DUSP22: variants seen among roughly 807,000 people sequenced by gnomAD.
DUSP22 encodes the protein dual specificity protein phosphatase 22.
DUSP22 carries 24 observed loss-of-function variants against 24.5 expected under a neutral mutation model. The ratio of observed to expected loss-of-function variants is 0.98; its 90% CI spans 0.71 to 1.38. The LOEUF is 1.38. DUSP22 is among the 40% of genes most tolerant of loss of function. The pLI, the probability that DUSP22 is intolerant of heterozygous loss-of-function variation, is 0.00. For synonymous variants in DUSP22, 160 were observed against 106.4 expected, an observed-to-expected ratio of 1.50 and a Z score of -3.10; for missense variants, 330 against 269.2, an observed-to-expected ratio of 1.23 and a Z score of -1.58.
At chr6:325,798 T>C in intron 3 of DUSP22, 1 of 225,048 alleles carries the variant, frequency 4.4e-6, no homozygotes. Flanking sequence ...TGCAGTGCTG[T>C]ATCTGCTGGT....
At chr6:306,785 C>T (rs1757830350) in intron 2 of DUSP22, among the ~76,000 whole-genome samples, 1 of 152,312 alleles carries the variant, frequency 6.6e-6, no homozygotes, top group Admixed American at 6.5e-5. Context: ...ACCAGTGTCC[C>T]TGCCCTCAGG....
chr6:321,365 C>G (rs909765934), intron 3 of DUSP22, among the ~76,000 whole-genome samples: 3 of 152,300 alleles, frequency 2.0e-5, no homozygotes, highest in African/African-American at 7.2e-5. Flanking sequence ...AGCAAAGATT[C>G]ATGAACAAAG....
intron 3 of DUSP22, among the ~76,000 whole-genome samples, chr6:313,030 C>G (rs995454980): frequency 1.6e-5 from 2 of 127,916 alleles, no homozygotes; most frequent in Non-Finnish European, 3.2e-5. Context: ...TTGGAAATAA[C>G]AACAACAACA....
At chr6:315,093 T>C (rs1313769603) in intron 3 of DUSP22, among the ~76,000 whole-genome samples, 2 of 152,300 alleles carry the variant, frequency 1.3e-5, no homozygotes, top group Non-Finnish European at 2.9e-5. Flanking sequence ...CACTGGACCA[T>C]GATGGGTGAG....
intron 3 of DUSP22, among the ~76,000 whole-genome samples, chr6:322,334 G>C (rs1455936550): frequency 6.6e-6 from 1 of 152,302 alleles, no homozygotes; most frequent in Admixed American, 6.5e-5. Flanking sequence ...ACACATCTTT[G>C]TTACTCCTGT....
At chr6:348,075 C>T (rs980900552) in intron 5 of DUSP22, 28 bp from the exon 6 acceptor site, 2 of 1,612,844 alleles carry the variant, frequency 1.2e-6, no homozygotes, top group Non-Finnish European at 1.7e-6. Flanking sequence ...AAACTGCCCT[C>T]ACACATGTGC....
intron 2 of DUSP22, among the ~76,000 whole-genome samples, chr6:310,371 T>C (rs1440436746): frequency 6.6e-6 from 1 of 152,298 alleles, no homozygotes; most frequent in Non-Finnish European, 1.5e-5. Flanking sequence ...GCCCCCTGTT[T>C]TGTAGATTAG....
chr6:293,514 C>G (rs773122526), intron 1 of DUSP22, among the ~76,000 whole-genome samples: 84 of 152,282 alleles, frequency 5.5e-4, no homozygotes, highest in Non-Finnish European at 6.3e-4. Flanking sequence ...TGCGCTCCAC[C>G]CACCCACATC....
intron 2 of DUSP22, among the ~76,000 whole-genome samples, chr6:308,986 T>G (rs1247346471): frequency 4.6e-5 from 7 of 152,308 alleles, no homozygotes; most frequent in Admixed American, 2.0e-4. Context: ...AAGCTGTGGC[T>G]TTGTCTGTTT....
At chr6:296,849 C>G (rs1238436628) in intron 1 of DUSP22, among the ~76,000 whole-genome samples, 1 of 152,306 alleles carries the variant, frequency 6.6e-6, no homozygotes, top group Non-Finnish European at 1.5e-5. Context: ...ATCTTGCCCT[C>G]CACTGACTGC....
chr6:336,862 A>G (rs1047280667), intron 4 of DUSP22, among the ~76,000 whole-genome samples: 4 of 152,308 alleles, frequency 2.6e-5, no homozygotes, highest in Non-Finnish European at 4.4e-5. Flanking sequence ...CACGGAAGGA[A>G]GTGAGCCACT....
chr6:347,635 A>T (rs1265855941), intron 5 of DUSP22, among the ~76,000 whole-genome samples: 1 of 152,310 alleles, frequency 6.6e-6, no homozygotes, highest in African/African-American at 2.4e-5. Flanking sequence ...TCTCTACATC[A>T]TGGGCTTTAA....
chr6:338,626 A>G (rs1759466204), intron 4 of DUSP22, among the ~76,000 whole-genome samples: 1 of 152,306 alleles, frequency 6.6e-6, no homozygotes, highest in African/African-American at 2.4e-5. Context: ...AAACAATTTG[A>G]AATAGTAGCT....
At chr6:338,698 T>C (rs1048699333) in intron 4 of DUSP22, among the ~76,000 whole-genome samples, 7 of 152,294 alleles carry the variant, frequency 4.6e-5, no homozygotes, top group Non-Finnish European at 8.8e-5. Context: ...TAAAATAAAT[T>C]CTGGAAAACT....
At position 319,188 on chromosome 6, in the gene DUSP22, A is replaced by G. The variant is rs538391204; in HGVS notation, c.138+7226A>G. On this transcript the variant is annotated intron_variant, in intron 3 of 6. Transcript: ENST00000419235. ...ATTTGTCACAATAAGATCATGTCCA[A>G]GTATCTATTCGAGTGAAGACAGTGG... 3.9e-4 allele frequency among the ~76,000 whole-genome samples: 59 copies of G among 152,382 alleles called. No homozygotes were observed. In the South Asian group the frequency reaches 0.011, roughly 29 times the overall value.
intron 3 of DUSP22, among the ~76,000 whole-genome samples, chr6:320,724 G>A (rs1218630230): frequency 6.6e-6 from 1 of 152,296 alleles, no homozygotes; most frequent in Non-Finnish European, 1.5e-5. Flanking sequence ...GGAGGGTGAG[G>A]GGTGTGTCTT....
chr6:323,570 C>A (rs535288983), intron 3 of DUSP22, among the ~76,000 whole-genome samples: 1 of 152,304 alleles, frequency 6.6e-6, no homozygotes, highest in Non-Finnish European at 1.5e-5. Context: ...TGGCTCCTTC[C>A]GTGAGAGGTG....
chr6:342,940 G>A (rs566137231), intron 4 of DUSP22, among the ~76,000 whole-genome samples: 3 of 152,422 alleles, frequency 2.0e-5, no homozygotes, highest in Non-Finnish European at 2.9e-5. Flanking sequence ...AACCGCAGAC[G>A]GCTAGTTGTG....
In DUSP22 at chr6:345,903, C is replaced by T. The variant is rs200834679; in HGVS notation, c.238C>T (p.Arg80Cys). 8.5e-5 allele frequency: 138 copies of T among 1,614,144 alleles called. No individual in the cohort carries two copies. Among genetic ancestry groups the T allele is most frequent in the Non-Finnish European group, 1.0e-4 (122 of 1,179,928 alleles). ...TAAATTCATTCACGAGTGCCGGCTC[C>T]GCGGTGAGAGCTGCCTTGTACACTG... ...SIKFIHECRL[R>C]GESCLVHCLA... The change falls in exon 5 of 7, where the codon CGC becomes TGC. Residue 80 changes from arginine (R) to cysteine (C), a missense_variant. Physicochemically the swap from Arg to Cys is radical, Grantham distance 180. Coordinates refer to ENST00000419235, the MANE Select transcript of DUSP22 (RefSeq NM_001286555.3).
Sources: gnomAD v4.1 joint callset for allele counts (sites outside exome capture counted in the v4.1 genomes callset) on GRCh38, gnomAD v4.1.1 for gene constraint, MANE v1.5 for transcripts, NCBI Gene and HGNC (gene_info 2026-07-23, HGNC 2026-07-21) for gene names.